Variants in PIGK observed in about 807,000 individuals in gnomAD.
PIGK encodes GPI-anchor transamidase.
Under a neutral mutation model 50.6 loss-of-function variants are expected in PIGK, and 42 were observed. The observed-to-expected ratio is 0.83, with a 90% CI of 0.65 to 1.07. The LOEUF (loss-of-function observed/expected upper bound fraction) is 1.07, where lower values mean the gene tolerates loss of function less well. Ranked by LOEUF, PIGK falls within the 50% of genes least tolerant of loss-of-function variation. PIGK has a pLI of 0.00. For missense variants in PIGK, 448 were observed against 488.7 expected, an observed-to-expected ratio of 0.92 and a Z score of 0.78; for synonymous variants, 151 against 156.0, an observed-to-expected ratio of 0.97 and a Z score of 0.24.
intron 10 of PIGK, among the ~76,000 whole-genome samples, chr1:77,105,321 C>T (rs1211125644): frequency 6.6e-6 from 1 of 151,798 alleles, no homozygotes; most frequent in African/African-American, 2.4e-5. Context: ...AGGCAACATT[C>T]GATTGGTAAA....
chr1:77,207,696 T>C (rs1295393646), intron 2 of PIGK, among the ~76,000 whole-genome samples: 1 of 152,156 alleles, frequency 6.6e-6, no homozygotes, highest in Admixed American at 6.5e-5. Context: ...TAAATATAGA[T>C]TGGGGTCACT....
chr1:77,206,674 A>G lies in PIGK; in HGVS notation c.205T>C (p.Tyr69His), dbSNP rs763492163. 6.2e-7 allele frequency: 1 copy of G among 1,611,188 alleles called. No individual in the cohort carries two copies. The highest frequency in any genetic ancestry group is 8.5e-7 in the Non-Finnish European group (1 of 1,177,498). The change falls in exon 3 of 11, where the codon TAT becomes CAT. Residue 69 changes from tyrosine to histidine, a missense_variant. Tyr to His is a moderately conservative substitution (Grantham distance 83). Transcript: ENST00000370812. ...YRHVANTLSVYRSVKRLGIPD... is the reference protein window; with the variant it reads ...YRHVANTLSVHRSVKRLGIPD... ...ATACCTAGCCTCTTGACACTTCTAT[A>G]AACAGAAAGGGTATTTGCAACATGT...
At chr1:77,205,103 T>G (rs530457621) in intron 3 of PIGK, among the ~76,000 whole-genome samples, 1 of 152,260 alleles carries the variant, frequency 6.6e-6, no homozygotes, top group South Asian at 2.1e-4. Context: ...TCCTAAAAAC[T>G]CCTTCCAAAT....
At chr1:77,217,389 A>C (rs1656592741) in intron 1 of PIGK, among the ~76,000 whole-genome samples, 1 of 152,206 alleles carries the variant, frequency 6.6e-6, no homozygotes. Context: ...CTAATGTGAG[A>C]AAAAGCTTAA....
chr1:77,133,697 T>C (rs958987275), intron 9 of PIGK, among the ~76,000 whole-genome samples: 2 of 152,220 alleles, frequency 1.3e-5, no homozygotes, highest in Admixed American at 6.5e-5. Flanking sequence ...TTAGACCACC[T>C]GAAAATTTTG....
intron 3 of PIGK, among the ~76,000 whole-genome samples, chr1:77,194,241 T>C (rs1261128884): frequency 6.6e-6 from 1 of 152,214 alleles, no homozygotes; most frequent in African/African-American, 2.4e-5. Flanking sequence ...GGAATATAAA[T>C]TGATTCAGCC....
At chr1:77,183,549 G>A (rs1318567722) in intron 3 of PIGK, among the ~76,000 whole-genome samples, 1 of 152,114 alleles carries the variant, frequency 6.6e-6, no homozygotes, top group African/African-American at 2.4e-5. Context: ...CACTACACTT[G>A]AAGTGCTTGA....
At chr1:77,152,001 A>T (rs1218750541) in intron 9 of PIGK, among the ~76,000 whole-genome samples, 1 of 152,150 alleles carries the variant, frequency 6.6e-6, no homozygotes, top group African/African-American at 2.4e-5. Flanking sequence ...AGAAAAATCA[A>T]CCCTAAAATT....
At chr1:77,158,206 G>A (rs563240804) in intron 8 of PIGK, among the ~76,000 whole-genome samples, 19 of 151,842 alleles carry the variant, frequency 1.3e-4, no homozygotes, top group South Asian at 4.2e-4. Context: ...TAGTAGAGAT[G>A]GGGTTTCACC....
chr1:77,135,661 C>G (rs1272733860), intron 9 of PIGK, among the ~76,000 whole-genome samples: 1 of 151,802 alleles, frequency 6.6e-6, no homozygotes, highest in Non-Finnish European at 1.5e-5. Context: ...TTTAATTTCA[C>G]TTTTTCTCCT....
At position 77,166,816 on chromosome 1, in the gene PIGK, A is replaced by C; in HGVS notation, c.390T>G (p.Asn130Lys). ...DYRSYEVTVE[N>K]FLRVLTGRIP... ...TCCTCCCAGTTAATACCCGTAAAAA[A>C]TTCTCCACAGTTACCTAAGGGGGAA... is the stretch of plus-strand genomic sequence containing the variant. Residue 130 changes from asparagine to lysine, a missense_variant, in exon 5 of 11, where the codon AAT becomes AAG. Transcript: ENST00000370812. 1.3e-6 allele frequency: 2 copies of C among 1,565,874 alleles called. No homozygotes were observed. The highest frequency in any genetic ancestry group is 1.7e-6 in the Non-Finnish European group (2 of 1,143,076).
chr1:77,178,200 A>G (rs1271820927), intron 3 of PIGK, among the ~76,000 whole-genome samples: 1 of 152,192 alleles, frequency 6.6e-6, no homozygotes, highest in Non-Finnish European at 1.5e-5. Context: ...ATAAACTTTA[A>G]TGGTATATAC....
chr1:77,200,360 A>G (rs1050835069), intron 3 of PIGK, among the ~76,000 whole-genome samples: 1 of 152,124 alleles, frequency 6.6e-6, no homozygotes, highest in African/African-American at 2.4e-5. Flanking sequence ...AAAAAGTAAG[A>G]AAATGATAAA....
At chr1:77,166,500 T>C (rs1655237466) in intron 5 of PIGK, among the ~76,000 whole-genome samples, 1 of 140,740 alleles carries the variant, frequency 7.1e-6, no homozygotes, top group Admixed American at 7.0e-5. Flanking sequence ...ACCAAGTCAA[T>C]AGTAAAAAAA....
At chr1:77,182,137 A>C (rs985378025) in intron 3 of PIGK, among the ~76,000 whole-genome samples, 4 of 152,240 alleles carry the variant, frequency 2.6e-5, no homozygotes, top group African/African-American at 9.6e-5. Context: ...GACAAATTAC[A>C]TGAGGGTAGA....
chr1:77,153,146 T>C (rs1037982273), intron 9 of PIGK, among the ~76,000 whole-genome samples: 3 of 152,004 alleles, frequency 2.0e-5, no homozygotes, highest in Non-Finnish European at 4.4e-5. Flanking sequence ...AAAAGGAAAA[T>C]GTATATATAC....
intron 1 of PIGK, among the ~76,000 whole-genome samples, 154 bp from the exon 2 acceptor site, chr1:77,210,643 A>T (rs1026889860): frequency 1.3e-5 from 2 of 152,110 alleles, no homozygotes; most frequent in Admixed American, 6.5e-5. Flanking sequence ...TATGGACTAC[A>T]CAAAGAATCA....
At chr1:77,169,075 A>G (rs1655297539) in intron 4 of PIGK, among the ~76,000 whole-genome samples, 185 bp downstream of exon 4, 1 of 152,136 alleles carries the variant, frequency 6.6e-6, no homozygotes, top group Non-Finnish European at 1.5e-5. Flanking sequence ...AAAACATAAA[A>G]TGTTCATGTT....
intron 1 of PIGK, among the ~76,000 whole-genome samples, chr1:77,213,524 T>C (rs1343406809): frequency 6.6e-6 from 1 of 151,662 alleles, no homozygotes; most frequent in East Asian, 1.9e-4. Flanking sequence ...TACATGAAAA[T>C]AGAAACACAA....
Sources: allele counts gnomAD v4.1 joint callset (sites outside exome capture counted in the v4.1 genomes callset), GRCh38; gene constraint gnomAD v4.1.1; transcripts MANE v1.5; gene names NCBI Gene and HGNC (gene_info 2026-07-23, HGNC 2026-07-21).